The following PHACTR2 variants were observed in gnomAD, a reference collection of about 807,000 sequenced individuals.
PHACTR2 encodes phosphatase and actin regulator 2, also known as chromosome 6 open reading frame 56.
In PHACTR2, 30 loss-of-function variants were observed where a neutral mutation model predicts 76.0. That is an observed-to-expected ratio of 0.39 (90% confidence interval 0.30 to 0.54). The LOEUF (loss-of-function observed/expected upper bound fraction) is 0.54. PHACTR2 is among the 20% of genes least tolerant of loss of function. The pLI, the probability that PHACTR2 is intolerant of heterozygous loss-of-function variation, is 0.61. For synonymous variants in PHACTR2, 292 were observed against 292.5 expected (o/e 1.00, Z 0.02); for missense variants, 696 against 781.1 (o/e 0.89, Z 1.30).
chr6:143,714,749 T>C (rs1778265299), intron 2 of PHACTR2, among the ~76,000 whole-genome samples: 1 of 152,240 alleles, frequency 6.6e-6, no homozygotes, highest in East Asian at 1.9e-4. Flanking sequence ...TTCTCCTGCA[T>C]GAGAGGTCCC....
In PHACTR2 at chr6:143,710,557, G is replaced by T. The variant is rs754565430; in HGVS notation, c.47-1459G>T. Among the ~76,000 whole-genome samples the T allele has an allele frequency of 1.1e-4, 17 of 152,098 alleles. No homozygotes were observed. The highest frequency in any genetic ancestry group is 3.4e-4 in the African/African-American group (14 of 41,398). On this transcript the variant is annotated intron_variant, in intron 1 of 12. Transcript: ENST00000440869. This position sits in a 1 kb window ranked among gnomAD's most constrained non-coding sequence, Gnocchi z 4.9. ...AAAATACAAAAATTAGCCAGGCCTG[G>T]TGGCATGTGCCTGTAGTCAGTCCCA... is the stretch of plus-strand genomic sequence containing the variant.
Position 143,660,627 on chromosome 6 carries a change from C to T in PHACTR2, c.14-51389C>T, listed in dbSNP as rs185556178. Reference sequence around the variant, plus strand: ...AACAAATACCTACTGAGCACTTACCCGTGCACTGACTGTGCTGGTGTTTCA... The same window carrying T: ...AACAAATACCTACTGAGCACTTACCTGTGCACTGACTGTGCTGGTGTTTCA... On this transcript the variant is annotated intron_variant, in intron 1 of 11. Transcript: ENST00000305766. 2.2e-3 allele frequency among the ~76,000 whole-genome samples: 332 copies of T among 152,282 alleles called. 2 individuals carry two copies. Among genetic ancestry groups the T allele is most frequent in the Non-Finnish European group, 3.4e-3 (230 of 68,014 alleles).
rs569068098 is a variant in PHACTR2, at chr6:143,688,941, C to T, written c.46+10732C>T. 1.1e-4 allele frequency among the ~76,000 whole-genome samples: 17 copies of T among 152,344 alleles called. No individual in the cohort carries two copies. Among genetic ancestry groups the T allele is most frequent in the Admixed American group, 4.6e-4 (7 of 15,302 alleles). ...AATCCAGATTGCATAGTATGGCCCT[C>T]GAGGCTCTACATGAGCCTATATGAT... On this transcript the variant is annotated intron_variant, in intron 1 of 12. Coordinates refer to ENST00000440869, the MANE Select transcript of PHACTR2 (RefSeq NM_001100164.2). This position sits in a 1 kb window ranked among gnomAD's most constrained non-coding sequence, Gnocchi z 5.2.
intron 2 of PHACTR2, among the ~76,000 whole-genome samples, chr6:143,729,133 T>C (rs2128465211): frequency 6.6e-6 from 1 of 152,314 alleles, no homozygotes; most frequent in East Asian, 1.9e-4. Context: ...CTGCCATCCA[T>C]ATATCCTCTT....
At chr6:143,771,168 ATATATG>A (rs1405582451) in intron 6 of PHACTR2, among the ~76,000 whole-genome samples, 1 of 28,034 alleles carries the variant, frequency 3.6e-5, no homozygotes, top group Admixed American at 4.4e-4. Context: ...GTATATATAT[ATATATG>A]TATATATATA....
In PHACTR2 at chr6:143,780,655, G is replaced by A. The variant is rs148088037; in HGVS notation, c.1646-2564G>A. The stretch of plus-strand genomic sequence containing the variant: ...CTCTGGGTAACATTGCTCGCTAGGC[G>A]GGTTTCCTGTGGTGCTTGCTGCTGT... On this transcript the variant is annotated intron_variant, in intron 9 of 12. Transcript: ENST00000440869. This position sits in a 1 kb window ranked among gnomAD's most constrained non-coding sequence, Gnocchi z 4.4. Among the ~76,000 whole-genome samples, 208 of 152,206 alleles carry A rather than the reference G, an allele frequency of 1.4e-3. No individual in the cohort carries two copies. Among genetic ancestry groups the A allele is most frequent in the African/African-American group, 4.6e-3 (192 of 41,514 alleles).
rs532641354 is a variant in PHACTR2 at position 143,819,175 on chromosome 6, G to A, written c.1923-4499G>A. On this transcript the variant is annotated intron_variant, in intron 12 of 12. Transcript: ENST00000440869. This position sits in a 1 kb window ranked among gnomAD's most constrained non-coding sequence, Gnocchi z 5.0. ...TATGCATTCAACAAATAGTTATTGA[G>A]CACATCCCTAGTGAGCCAGATTGTG... 3.7e-4 allele frequency among the ~76,000 whole-genome samples: 56 copies of A among 152,268 alleles called. No homozygotes were observed. The highest frequency in any genetic ancestry group is 7.5e-4 in the Non-Finnish European group (51 of 68,028).
intron 11 of PHACTR2, among the ~76,000 whole-genome samples, chr6:143,805,611 A>G (rs917635726): frequency 7.2e-5 from 11 of 152,154 alleles, no homozygotes; most frequent in South Asian, 4.1e-4. Context: ...AAGCAAAAGT[A>G]TCCTCACTGT....
chr6:143,638,524 A>G (rs1486513716), intron 1 of PHACTR2, among the ~76,000 whole-genome samples: 1 of 150,490 alleles, frequency 6.6e-6, no homozygotes, highest in African/African-American at 2.5e-5. Flanking sequence ...AGCCTGGGCC[A>G]CAGAGCAAGA....
intron 1 of PHACTR2, among the ~76,000 whole-genome samples, chr6:143,644,522 G>C (rs1776624101): frequency 6.8e-6 from 1 of 146,536 alleles, no homozygotes; most frequent in Non-Finnish European, 1.5e-5. Context: ...ATCACAGTTA[G>C]ACTCAAATGA....
In PHACTR2 at chr6:143,774,015, TA is replaced by T. The variant is rs1189061720; in HGVS notation, c.1433-40del. On this transcript the variant is annotated intron_variant, in intron 7 of 12. Transcript: ENST00000440869. This position sits in a 1 kb window ranked among gnomAD's most constrained non-coding sequence, Gnocchi z 5.4. Reference sequence around the variant, plus strand: ...CATGTGTAACCTGAGTGCCACTGGCTAAAAGCCTCTCTCTCTGCATTTCTGC... The same window carrying T: ...CATGTGTAACCTGAGTGCCACTGGCTAAAGCCTCTCTCTCTGCATTTCTGC... The T allele has an allele frequency of 6.3e-7, 1 of 1,590,080 alleles. No individual in the cohort carries two copies. The highest frequency in any genetic ancestry group is 8.6e-7 in the Non-Finnish European group (1 of 1,164,136).
intron 2 of PHACTR2, among the ~76,000 whole-genome samples, chr6:143,729,549 A>T (rs1401221907): frequency 6.6e-6 from 1 of 152,130 alleles, no homozygotes; most frequent in Non-Finnish European, 1.5e-5. Context: ...GGTTTTTTGC[A>T]TGTAAATGTC....
Position 143,698,594 on chromosome 6 carries a change from T to TA in PHACTR2, c.47-13421dup. ...TCATAATTTGGAGGCCATCTTGTGCTATGTCTGCCGTGGGAACTAATGCCA... is the reference window on the plus strand; with the variant it reads ...TCATAATTTGGAGGCCATCTTGTGCTAATGTCTGCCGTGGGAACTAATGCCA... On this transcript the variant is annotated intron_variant, in intron 1 of 12. Coordinates refer to ENST00000440869, the MANE Select transcript of PHACTR2 (RefSeq NM_001100164.2). This position sits in a 1 kb window ranked among gnomAD's most constrained non-coding sequence, Gnocchi z 4.3. 6.6e-6 allele frequency among the ~76,000 whole-genome samples: 1 copy of TA among 152,350 alleles called. No homozygotes were observed. Among genetic ancestry groups the TA allele is most frequent in the African/African-American group, 2.4e-5 (1 of 41,584 alleles).
At chr6:143,576,128 G>A (rs1409511275) in intron 1 of PHACTR2, among the ~76,000 whole-genome samples, 4 of 152,188 alleles carry the variant, frequency 2.6e-5, no homozygotes. Flanking sequence ...GAAACTTGGA[G>A]CATCTGCAAG....
At position 143,793,571 on chromosome 6, in the gene PHACTR2, G is replaced by A. The variant is rs1775760873; in HGVS notation, c.1845+4661G>A. Among the ~76,000 whole-genome samples the A allele has an allele frequency of 6.6e-6, 1 of 152,040 alleles. No individual in the cohort carries two copies. Among genetic ancestry groups the A allele is most frequent in the Admixed American group, 6.6e-5 (1 of 15,260 alleles). On this transcript the variant is annotated intron_variant, in intron 11 of 12. Transcript: ENST00000440869. The surrounding 1 kb of genome is among the most constrained non-coding windows in gnomAD (Gnocchi z 4.4). ...GTGGATTTTTATTGTGTATGTGTGT[G>A]TTTCTCTGGAAGAAAATTAAGAGGT...
At position 143,566,360 on chromosome 6, in the gene PHACTR2, C is replaced by T. The variant is rs1047059119; in HGVS notation, c.217+29153C>T. On this transcript the variant is annotated intron_variant, in intron 1 of 11. Coordinates refer to the PHACTR2 transcript ENST00000367584. ...CCAGGCTGGAGTTCAGTGGTACAAT[C>T]GTAGCTCACTGCAGCCTCCAACTCC... Among the ~76,000 whole-genome samples the T allele has an allele frequency of 9.9e-5, 15 of 151,628 alleles. No individual in the cohort carries two copies. The East Asian group carries it at 2.1e-3, about 22-fold the overall frequency.
chr6:143,612,777 T>G (rs1021618966), intron 1 of PHACTR2, among the ~76,000 whole-genome samples: 1 of 151,652 alleles, frequency 6.6e-6, no homozygotes, highest in African/African-American at 2.4e-5. Context: ...GAACAGATTT[T>G]CTTTTAAATT....
intron 1 of PHACTR2, among the ~76,000 whole-genome samples, chr6:143,643,565 G>A (rs1776604156): frequency 6.6e-6 from 1 of 152,172 alleles, no homozygotes; most frequent in Admixed American, 6.5e-5. Context: ...ATTGAGGAAG[G>A]AAAATGTACC....
chr6:143,576,987 C>G (rs1775523491), intron 1 of PHACTR2, among the ~76,000 whole-genome samples: 1 of 150,906 alleles, frequency 6.6e-6, no homozygotes, highest in African/African-American at 2.4e-5. Context: ...CTAACATACA[C>G]AAAAAGCAAC....
Sources: gnomAD v4.1 joint callset for allele counts (sites outside exome capture counted in the v4.1 genomes callset) on GRCh38, gnomAD v4.1.1 for gene constraint, Gnocchi (gnomAD v3.1) non-coding constraint, MANE v1.5 for transcripts, NCBI Gene and HGNC (gene_info 2026-07-23, HGNC 2026-07-21) for gene names.